Variants in ASCC3 observed in about 807,000 individuals in gnomAD.
ASCC3 encodes ASC-1 complex subunit P200.
ASCC3 carries 158 observed loss-of-function variants against 256.3 expected under a neutral mutation model. The observed-to-expected ratio is 0.62, with a 90% CI of 0.54 to 0.70. The LOEUF (loss-of-function observed/expected upper bound fraction) is 0.70. ASCC3 is among the 30% of genes least tolerant of loss of function. ASCC3 has a pLI of 0.00. For missense variants in ASCC3, 2,259 were observed against 2,626.0 expected (o/e 0.86, Z 3.05); for synonymous variants, 948 against 883.4 (o/e 1.07, Z -1.30).
chr6:100,715,641 C>A, intron 12 of ASCC3, 108 bp from the exon 13 acceptor site: 1 of 827,836 alleles, frequency 1.2e-6, no homozygotes, highest in Non-Finnish European at 2.0e-6. Flanking sequence ...TTCAGGCTAT[C>A]TAGAATGCAG....
intron 10 of ASCC3, among the ~76,000 whole-genome samples, chr6:100,734,709 A>C (rs1780065676): frequency 6.6e-6 from 1 of 152,202 alleles, no homozygotes; most frequent in Non-Finnish European, 1.5e-5. Flanking sequence ...TTGGGCAATT[A>C]ACTGGTAAAG....
At position 100,628,106 on chromosome 6, in the gene ASCC3, A is replaced by C. The variant is rs183982302; in HGVS notation, c.4376-119T>G. On this transcript the variant is annotated intron_variant, in intron 27 of 41. Transcript: ENST00000369162. The stretch of plus-strand genomic sequence containing the variant: ...AAAACAAAAACAAAAAAAAAAACAA[A>C]AAAAAAGCTAAAGCTAGAACTACCA... 286 of 1,070,246 alleles carry C rather than the reference A, an allele frequency of 2.7e-4. 2 individuals are homozygous for C. The African/African-American group carries it at 3.0e-3, about 11-fold the overall frequency. The allele number at this position is 1,070,246 out of a possible 1,614,324, so 66.3% of individuals were successfully genotyped here.
intron 13 of ASCC3, among the ~76,000 whole-genome samples, chr6:100,707,560 A>C (rs972778343): frequency 6.6e-6 from 1 of 152,076 alleles, no homozygotes; most frequent in African/African-American, 2.4e-5. Flanking sequence ...CTTTTGTATT[A>C]ATCTATTTAT....
At chr6:100,674,643 T>G (rs1011368926) in intron 14 of ASCC3, among the ~76,000 whole-genome samples, 4 of 150,502 alleles carry the variant, frequency 2.7e-5, no homozygotes, top group African/African-American at 9.8e-5. Context: ...TTTTTTTTTT[T>G]TTTTTTTGAG....
intron 10 of ASCC3, among the ~76,000 whole-genome samples, chr6:100,751,894 C>T (rs550494906): frequency 3.3e-5 from 5 of 152,172 alleles, no homozygotes; most frequent in African/African-American, 1.2e-4. Context: ...CACAAACTAC[C>T]CTTGTACTTT....
intron 30 of ASCC3, among the ~76,000 whole-genome samples, chr6:100,608,118 C>CTATATACACATATATATGTATATATATG (rs1773045345): frequency 1.7e-4 from 4 of 23,350 alleles, no homozygotes; most frequent in African/African-American, 4.8e-4. Flanking sequence ...GTATATATAT[C>CTATATACACATATATATGTATATATATG]TATATATACA....
chr6:100,558,105 C>T (rs1246868719), intron 36 of ASCC3, among the ~76,000 whole-genome samples: 3 of 148,680 alleles, frequency 2.0e-5, no homozygotes, highest in Admixed American at 6.7e-5. Context: ...AAGAAATGTT[C>T]ATATTTTGGT....
intron 8 of ASCC3, among the ~76,000 whole-genome samples, chr6:100,774,663 C>A (rs1782104543): frequency 6.6e-6 from 1 of 152,100 alleles, no homozygotes; most frequent in Non-Finnish European, 1.5e-5. Flanking sequence ...CTGCACCCGG[C>A]CCTAACTTTC....
chr6:100,687,388 T>C (rs1028577470), intron 13 of ASCC3, among the ~76,000 whole-genome samples: 1 of 152,096 alleles, frequency 6.6e-6, no homozygotes, highest in African/African-American at 2.4e-5. Flanking sequence ...TTTGAGACAG[T>C]GTCTCGCTCT....
chr6:100,603,617 T>C (rs1772738684), intron 33 of ASCC3, among the ~76,000 whole-genome samples: 1 of 152,094 alleles, frequency 6.6e-6, no homozygotes, highest in Admixed American at 6.6e-5. Context: ...ATTAAGAACA[T>C]TCCCTCATAC....
chr6:100,744,046 C>A (rs1780557631), intron 10 of ASCC3, among the ~76,000 whole-genome samples: 1 of 152,080 alleles, frequency 6.6e-6, no homozygotes, highest in African/African-American at 2.4e-5. Flanking sequence ...GAAAAAGATA[C>A]ACAGTACTTT....
At chr6:100,539,771 A>T in intron 37 of ASCC3, among the ~76,000 whole-genome samples, 1 of 151,990 alleles carries the variant, frequency 6.6e-6, no homozygotes, top group Non-Finnish European at 1.5e-5. Flanking sequence ...ACCATTCTTT[A>T]TTTTTTTTAA....
chr6:100,631,726 G>C (rs952223395), intron 25 of ASCC3, among the ~76,000 whole-genome samples: 2 of 151,864 alleles, frequency 1.3e-5, no homozygotes, highest in African/African-American at 4.8e-5. Flanking sequence ...GAAGATGCTA[G>C]TAGTATAATT....
chr6:100,785,225 G>A (rs897035243), intron 8 of ASCC3, among the ~76,000 whole-genome samples: 1 of 152,070 alleles, frequency 6.6e-6, no homozygotes, highest in African/African-American at 2.4e-5. Flanking sequence ...AAGTGAGATT[G>A]TTAGATTTTG....
chr6:100,847,238 TATG>T (rs1772428233), intron 4 of ASCC3, among the ~76,000 whole-genome samples: 2 of 152,268 alleles, frequency 1.3e-5, no homozygotes, highest in South Asian at 4.1e-4. Flanking sequence ...TGTATTCAAT[TATG>T]ATGAGCAAAT....
At chr6:100,759,217 T>C (rs939140555) in intron 10 of ASCC3, among the ~76,000 whole-genome samples, 6 of 152,346 alleles carry the variant, frequency 3.9e-5, no homozygotes, top group Non-Finnish European at 8.8e-5. Context: ...TAGTTTCTTC[T>C]GCTGTGCAGA....
chr6:100,633,809 G>A (rs910881994), intron 25 of ASCC3, among the ~76,000 whole-genome samples: 1 of 152,048 alleles, frequency 6.6e-6, no homozygotes, highest in African/African-American at 2.4e-5. Flanking sequence ...GGGAGATGGA[G>A]GTTGCGGTAA....
chr6:100,701,276 G>A (rs1006080371), intron 13 of ASCC3, among the ~76,000 whole-genome samples: 4 of 152,080 alleles, frequency 2.6e-5, no homozygotes, highest in Admixed American at 2.0e-4. Flanking sequence ...TCATGGCGGT[G>A]GGTCTTTCCT....
At chr6:100,592,263 C>T (rs1001883189) in intron 34 of ASCC3, among the ~76,000 whole-genome samples, 3 of 151,532 alleles carry the variant, frequency 2.0e-5, no homozygotes, top group African/African-American at 7.3e-5. Context: ...ATGCAGAAAA[C>T]ATAAATGTTT....
Sources: allele counts gnomAD v4.1 joint callset (sites outside exome capture counted in the v4.1 genomes callset), GRCh38; gene constraint gnomAD v4.1.1; transcripts MANE v1.5; gene names NCBI Gene and HGNC (gene_info 2026-07-23, HGNC 2026-07-21).